Variants in GALNT17 observed in about 807,000 individuals in gnomAD.
GALNT17 encodes polypeptide N-acetylgalactosaminyltransferase 17, also known as UDP-GalNAc:polypeptide N-acetylgalactosaminyltransferase-like 3.
A neutral mutation model predicts 63.7 loss-of-function variants in GALNT17; 29 were observed. The ratio of observed to expected loss-of-function variants is 0.46; its 90% CI spans 0.34 to 0.62. The LOEUF (loss-of-function observed/expected upper bound fraction) is 0.62. Among genes scored for constraint, GALNT17 ranks in the 20% least tolerant of loss-of-function variants. The pLI is 0.01. For synonymous variants in GALNT17, 305 were observed against 318.3 expected (o/e 0.96, Z 0.45); for missense variants, 603 against 799.6 (o/e 0.75, Z 2.97).
intron 3 of GALNT17, among the ~76,000 whole-genome samples, chr7:71,398,763 C>T (rs549373082): frequency 1.3e-3 from 196 of 152,272 alleles, no homozygotes; most frequent in Middle Eastern, 3.4e-3. Context: ...AGATGATGAT[C>T]GCACAATAAT....
At chr7:71,217,357 T>C (rs567022000) in intron 1 of GALNT17, among the ~76,000 whole-genome samples, 1 of 152,066 alleles carries the variant, frequency 6.6e-6, no homozygotes, top group Non-Finnish European at 1.5e-5. Flanking sequence ...TGCATTTGAT[T>C]AACCCACTTT....
At chr7:71,548,340 T>A (rs1435636405) in intron 5 of GALNT17, among the ~76,000 whole-genome samples, 1 of 152,180 alleles carries the variant, frequency 6.6e-6, no homozygotes, top group Non-Finnish European at 1.5e-5. Context: ...TGCCCCCAAA[T>A]GACAAGGACA....
chr7:71,153,214 G>A (rs1788165434), intron 1 of GALNT17, among the ~76,000 whole-genome samples: 1 of 152,120 alleles, frequency 6.6e-6, no homozygotes, highest in Non-Finnish European at 1.5e-5. Flanking sequence ...TAACATCAAT[G>A]AGCCTCAGTT....
At chr7:71,198,941 C>T (rs993399024) in intron 1 of GALNT17, among the ~76,000 whole-genome samples, 2 of 152,254 alleles carry the variant, frequency 1.3e-5, no homozygotes, top group African/African-American at 2.4e-5. Context: ...TGGCACGATC[C>T]TCAGAATTTC....
intron 5 of GALNT17, among the ~76,000 whole-genome samples, chr7:71,488,821 A>G (rs1303773764): frequency 7.0e-6 from 1 of 142,418 alleles, no homozygotes; most frequent in Non-Finnish European, 1.5e-5. Context: ...GCCTCAAGTG[A>G]TCCACCTGCC....
At chr7:71,705,184 C>CT (rs951906218) in intron 9 of GALNT17, among the ~76,000 whole-genome samples, 10 of 152,128 alleles carry the variant, frequency 6.6e-5, no homozygotes, top group Non-Finnish European at 1.3e-4. Flanking sequence ...ACAAATAACC[C>CT]TTTTTTTGAT....
chr7:71,626,330 G>C, intron 6 of GALNT17, among the ~76,000 whole-genome samples: 1 of 151,932 alleles, frequency 6.6e-6, no homozygotes, highest in Non-Finnish European at 1.5e-5. Context: ...AAGCCAAGGA[G>C]AGATGCCTCA....
chr7:71,624,533 A>G (rs566529178), intron 6 of GALNT17, among the ~76,000 whole-genome samples: 1 of 152,330 alleles, frequency 6.6e-6, no homozygotes, highest in African/African-American at 2.4e-5. Flanking sequence ...TGATGGTTTC[A>G]TCAGTAAGTG....
chr7:71,633,298 T>C (rs1336966391), intron 6 of GALNT17, among the ~76,000 whole-genome samples: 1 of 151,972 alleles, frequency 6.6e-6, no homozygotes, highest in African/African-American at 2.4e-5. Context: ...AACACTCTAG[T>C]GCAATGTGGG....
intron 1 of GALNT17, among the ~76,000 whole-genome samples, chr7:71,296,915 G>A (rs1397667588): frequency 2.6e-5 from 4 of 152,122 alleles, no homozygotes; most frequent in Non-Finnish European, 5.9e-5. Flanking sequence ...GCGTGAACAC[G>A]CCATGCCAGG....
intron 6 of GALNT17, among the ~76,000 whole-genome samples, chr7:71,634,718 C>T (rs1790504062): frequency 6.9e-6 from 1 of 145,694 alleles, no homozygotes; most frequent in Non-Finnish European, 1.5e-5. Context: ...GGTACTACTG[C>T]ACTCCAGCCT....
chr7:71,499,827 C>T (rs1479117000), intron 5 of GALNT17, among the ~76,000 whole-genome samples: 1 of 152,194 alleles, frequency 6.6e-6, no homozygotes, highest in Non-Finnish European at 1.5e-5. Context: ...CCCATGATCC[C>T]TACATATCCT....
At chr7:71,614,219 C>T (rs993381820) in intron 6 of GALNT17, among the ~76,000 whole-genome samples, 1 of 152,080 alleles carries the variant, frequency 6.6e-6, no homozygotes, top group Non-Finnish European at 1.5e-5. Flanking sequence ...TCATAGGGAG[C>T]AGGTTGGGTA....
chr7:71,553,660 G>A (rs767098596), intron 5 of GALNT17, among the ~76,000 whole-genome samples: 2 of 152,178 alleles, frequency 1.3e-5, no homozygotes, highest in Non-Finnish European at 2.9e-5. Context: ...CAAGTCAGAT[G>A]TAAGAAAGGG....
At chr7:71,137,459 C>T (rs1670512832) in intron 1 of GALNT17, among the ~76,000 whole-genome samples, 1 of 152,126 alleles carries the variant, frequency 6.6e-6, no homozygotes, top group South Asian at 2.1e-4. Context: ...TTTAATACCA[C>T]CCCCATCCCT....
At chr7:71,550,437 G>C (rs1001252509) in intron 5 of GALNT17, among the ~76,000 whole-genome samples, 3 of 152,172 alleles carry the variant, frequency 2.0e-5, no homozygotes, top group Admixed American at 2.0e-4. Context: ...CTGGAGTGCA[G>C]TGGCGTGATT....
At chr7:71,153,160 C>CT (rs1461074246) in intron 1 of GALNT17, among the ~76,000 whole-genome samples, 1 of 152,098 alleles carries the variant, frequency 6.6e-6, no homozygotes, top group Admixed American at 6.5e-5. Flanking sequence ...CCTTTGGCTA[C>CT]TTTACAAAGC....
chr7:71,656,531 G>T (rs1790830808), intron 6 of GALNT17, among the ~76,000 whole-genome samples: 1 of 151,882 alleles, frequency 6.6e-6, no homozygotes. Flanking sequence ...ATCGAAGTTT[G>T]CAGGGCCGTG....
intron 6 of GALNT17, among the ~76,000 whole-genome samples, chr7:71,598,437 G>C (rs1789919687): frequency 6.6e-6 from 1 of 152,186 alleles, no homozygotes; most frequent in African/African-American, 2.4e-5. Flanking sequence ...ATATAGGCAT[G>C]GATCTCACAT....
Sources: gnomAD v4.1 joint callset for allele counts (sites outside exome capture counted in the v4.1 genomes callset) on GRCh38, gnomAD v4.1.1 for gene constraint, MANE v1.5 for transcripts, NCBI Gene and HGNC (gene_info 2026-07-23, HGNC 2026-07-21) for gene names.